The following CHL1 variants were observed in gnomAD, a reference collection of about 807,000 sequenced individuals.
CHL1 encodes the protein neural cell adhesion molecule L1-like protein.
Under a neutral mutation model 141.9 loss-of-function variants are expected in CHL1, and 96 were observed. The observed-to-expected ratio is 0.68, with a 90% CI of 0.57 to 0.80. CHL1 has a LOEUF of 0.80. Among genes scored for constraint, CHL1 ranks in the 30% least tolerant of loss-of-function variants. CHL1 has a pLI of 0.00. For synonymous variants in CHL1, 613 were observed against 502.2 expected (o/e 1.22, Z -2.95); for missense variants, 1,820 against 1,457.2 (o/e 1.25, Z -4.05).
chr3:349,566 T>C, intron 10 of CHL1, 23 bp downstream of exon 10: 1 of 1,588,520 alleles, frequency 6.3e-7, no homozygotes, highest in Non-Finnish European at 8.6e-7. Flanking sequence ...TGTTGGTCTA[T>C]TTCTCTGCTT....
intron 15 of CHL1, among the ~76,000 whole-genome samples, chr3:372,407 A>T (rs1705751671): frequency 6.6e-6 from 1 of 152,006 alleles, no homozygotes; most frequent in Non-Finnish European, 1.5e-5. Flanking sequence ...TTGGCTACTG[A>T]TACTTGTGTA....
At chr3:281,796 G>T (rs1029216109) in intron 2 of CHL1, among the ~76,000 whole-genome samples, 1 of 152,154 alleles carries the variant, frequency 6.6e-6, no homozygotes, top group Non-Finnish European at 1.5e-5. Flanking sequence ...CTGGCCTCAA[G>T]TGATCTGCTT....
intron 22 of CHL1, 57 bp downstream of exon 22, chr3:391,216 T>A: frequency 1.5e-6 from 2 of 1,360,458 alleles, no homozygotes; most frequent in Non-Finnish European, 2.1e-6. Context: ...ATGGCCATAT[T>A]AAACATTCTT....
intron 27 of CHL1, 82 bp downstream of exon 27, chr3:401,780 A>G: frequency 2.5e-6 from 2 of 794,072 alleles, no homozygotes; most frequent in Admixed American, 2.7e-5. Flanking sequence ...GTTTATTCTT[A>G]ATAAAAAGGT....
chr3:212,129 G>C (rs1190520260), intron 1 of CHL1, among the ~76,000 whole-genome samples: 1 of 152,102 alleles, frequency 6.6e-6, no homozygotes, highest in East Asian at 1.9e-4. Flanking sequence ...AACAAATGCA[G>C]AGTGGTAGAG....
In CHL1 at chr3:313,812, G is replaced by A. The variant is rs546385706; in HGVS notation, c.-94-5871G>A. Among the ~76,000 whole-genome samples, 3 of 152,226 alleles carry A rather than the reference G, an allele frequency of 2.0e-5. No individual in the cohort carries two copies. The South Asian group carries it at 6.2e-4, about 32-fold the overall frequency. ...CAAAGTTGGTGAATTAAGGATCAAAGCATTAAAGAAAAATGAACAGGCATC... is the reference window on the plus strand; with the variant it reads ...CAAAGTTGGTGAATTAAGGATCAAAACATTAAAGAAAAATGAACAGGCATC... On this transcript the variant is annotated intron_variant, in intron 2 of 27. Transcript: ENST00000256509.
chr3:376,582 A>G (rs1480666397), intron 15 of CHL1, among the ~76,000 whole-genome samples: 2 of 152,136 alleles, frequency 1.3e-5, no homozygotes, highest in Admixed American at 1.3e-4. Flanking sequence ...GGCCTGAAAC[A>G]CCCCGTGCCA....
intron 8 of CHL1, among the ~76,000 whole-genome samples, chr3:343,660 A>G (rs1417667394): frequency 1.3e-5 from 2 of 152,162 alleles, no homozygotes; most frequent in Non-Finnish European, 2.9e-5. Flanking sequence ...AATTGCAGCA[A>G]ATATTCTCTA....
intron 5 of CHL1, among the ~76,000 whole-genome samples, chr3:338,907 T>G (rs116334149): frequency 0.011 from 1,745 of 152,310 alleles, 33 homozygotes; most frequent in African/African-American, 0.04. Context: ...AGGTTTTTTT[T>G]AACGCTCTCA....
chr3:214,558 A>G (rs1371722751), intron 1 of CHL1, among the ~76,000 whole-genome samples: 1 of 152,162 alleles, frequency 6.6e-6, no homozygotes, highest in African/African-American at 2.4e-5. Context: ...TTGACTTGTT[A>G]AATCTATTTT....
rs139666339 is a variant in CHL1 at position 218,060 on chromosome 3, C to T, written c.-175+20997C>T. Among the ~76,000 whole-genome samples, 441 of 152,178 alleles carry T rather than the reference C, an allele frequency of 2.9e-3. 5 individuals are homozygous for T. The highest frequency in any genetic ancestry group is 9.9e-3 in the African/African-American group (409 of 41,518). On this transcript the variant is annotated intron_variant, in intron 1 of 27. Transcript: ENST00000256509. ...GCTGTTGTAAATTATAACCCACAGC[C>T]CCTGCACAGGAAACCTCCACAGGAA... is the stretch of plus-strand genomic sequence containing the variant.
chr3:200,080 A>G (rs1019808241), intron 1 of CHL1, among the ~76,000 whole-genome samples: 3 of 152,214 alleles, frequency 2.0e-5, no homozygotes, highest in African/African-American at 7.2e-5. Context: ...AGCTTCTCTG[A>G]AATTCATGTG....
chr3:372,350 G>C (rs1487401972), intron 15 of CHL1, among the ~76,000 whole-genome samples: 1 of 151,946 alleles, frequency 6.6e-6, no homozygotes, highest in African/African-American at 2.4e-5. Flanking sequence ...CTGTATTTCA[G>C]CAAAGTGGTC....
intron 23 of CHL1, among the ~76,000 whole-genome samples, chr3:392,354 C>CCCAAA (rs1317018459): frequency 1.3e-5 from 2 of 152,210 alleles, no homozygotes. Flanking sequence ...TATCCAATGT[C>CCCAAA]TATGGGTTGC....
In CHL1 at chr3:371,191, T is replaced by C. The variant is rs375018002; in HGVS notation, c.1751+5076T>C. Among the ~76,000 whole-genome samples, 98 of 152,264 alleles carry C rather than the reference T, an allele frequency of 6.4e-4. 1 individual carries two copies. In the East Asian group the frequency reaches 0.013, roughly 20 times the overall value. ...TTCTGTCTCATTGATCTGTCTAATA[T>C]TGACAGTGGGTTGTTAAAGTCTCCC... On this transcript the variant is annotated intron_variant, in intron 15 of 27. Coordinates refer to ENST00000256509, the MANE Select transcript of CHL1 (RefSeq NM_006614.4).
At chr3:210,493 C>T (rs1427855911) in intron 1 of CHL1, among the ~76,000 whole-genome samples, 1 of 152,184 alleles carries the variant, frequency 6.6e-6, no homozygotes, top group Non-Finnish European at 1.5e-5. Context: ...CTGGGCCCCT[C>T]TTTCTGTCCA....
At chr3:325,806 T>C (rs80075104) in intron 3 of CHL1, among the ~76,000 whole-genome samples, 153 bp from the exon 4 acceptor site, 6,282 of 152,096 alleles carry the variant, frequency 0.041, 438 homozygotes, top group African/African-American at 0.14. Flanking sequence ...TAAGTACATG[T>C]TGCAAAGAGA....
intron 2 of CHL1, among the ~76,000 whole-genome samples, chr3:283,438 T>C (rs1219872700): frequency 6.6e-6 from 1 of 152,240 alleles, no homozygotes; most frequent in East Asian, 1.9e-4. Context: ...TTTCTATTTA[T>C]GTACACATGT....
At chr3:329,128 C>T (rs764520685) in intron 5 of CHL1, among the ~76,000 whole-genome samples, 8 of 152,106 alleles carry the variant, frequency 5.3e-5, no homozygotes, top group Non-Finnish European at 8.8e-5. Flanking sequence ...ATGGGATATC[C>T]ATGACCACCT....
Sources: gnomAD v4.1 joint callset for allele counts (sites outside exome capture counted in the v4.1 genomes callset) on GRCh38, gnomAD v4.1.1 for gene constraint, MANE v1.5 for transcripts, NCBI Gene and HGNC (gene_info 2026-07-23, HGNC 2026-07-21) for gene names.